The following SIPA1L3 variants were observed in gnomAD, a reference collection of about 807,000 sequenced individuals.
SIPA1L3 encodes the protein signal induced proliferation associated 1 like 3, also known as signal-induced proliferation-associated 1-like protein 3.
SIPA1L3 carries 59 observed loss-of-function variants against 150.1 expected under a neutral mutation model. The observed-to-expected ratio is 0.39, with a 90% CI of 0.32 to 0.49. The LOEUF is 0.49. Ranked by LOEUF, SIPA1L3 falls within the 20% of genes least tolerant of loss-of-function variation. The probability of loss-of-function intolerance (pLI) is 0.86; values close to 1 mark genes in which losing one functional copy is unlikely to be tolerated. For synonymous variants in SIPA1L3, 1,070 were observed against 1,077.6 expected (o/e 0.99, Z 0.14); for missense variants, 2,211 against 2,489.5 (o/e 0.89, Z 2.38).
Position 38,099,748 on chromosome 19 carries a change from G to A in SIPA1L3, c.1666-214G>A, listed in dbSNP as rs73630892. Among the ~76,000 whole-genome samples, 1,108 of 152,308 alleles carry A rather than the reference G, an allele frequency of 7.3e-3. 16 individuals are homozygous for A. Among genetic ancestry groups the A allele is most frequent in the African/African-American group, 0.025 (1,033 of 41,568 alleles). On this transcript the variant is annotated intron_variant, in intron 4 of 21. Coordinates refer to ENST00000222345, the MANE Select transcript of SIPA1L3 (RefSeq NM_015073.3). ...CTGTACCCATTTCACAAAAGAGCAAGCTGAGGCTCAGAGATATGAAGTCAC... is the reference window on the plus strand; with the variant it reads ...CTGTACCCATTTCACAAAAGAGCAAACTGAGGCTCAGAGATATGAAGTCAC...
At chr19:37,966,024 G>T (rs181810298) in intron 1 of SIPA1L3, among the ~76,000 whole-genome samples, 76 of 152,228 alleles carry the variant, frequency 5.0e-4, no homozygotes, top group African/African-American at 1.7e-3. Flanking sequence ...AGTGTGTGCC[G>T]GGCTCAGTTC....
Position 38,206,314 on chromosome 19 carries a change from C to T in SIPA1L3, c.*74C>T, listed in dbSNP as rs55701519. The T allele has an allele frequency of 1.4e-6, 2 of 1,467,894 alleles. No homozygotes were observed. Among genetic ancestry groups the T allele is most frequent in the East Asian group, 2.5e-5 (1 of 39,482 alleles). The allele number at this position is 1,467,894 out of a possible 1,614,324, so 90.9% of individuals were successfully genotyped here. A position where few individuals can be genotyped will look rare whatever the true frequency, so the allele number is the denominator to read the frequency against. On this transcript the variant is annotated 3_prime_UTR_variant, in exon 22 of 22. Transcript: ENST00000222345. ...CTGCTGCCTCTCTCCCTCCACTCAG[C>T]TCCCAGCTGCCGGTGTGACCAAGAT...
At chr19:38,167,587 G>C (rs1157411278) in intron 15 of SIPA1L3, among the ~76,000 whole-genome samples, 1 of 152,162 alleles carries the variant, frequency 6.6e-6, no homozygotes, top group East Asian at 1.9e-4. Context: ...TTTAGAAACA[G>C]GGTCCTGCTC....
chr19:38,161,685 C>G (rs1972092033), intron 13 of SIPA1L3, among the ~76,000 whole-genome samples: 1 of 152,048 alleles, frequency 6.6e-6, no homozygotes, highest in South Asian at 2.1e-4. Context: ...TGAGATCATA[C>G]CACTGCACTC....
intron 1 of SIPA1L3, among the ~76,000 whole-genome samples, chr19:37,989,187 T>C (rs78706451): frequency 0.024 from 3,585 of 152,278 alleles, 134 homozygotes; most frequent in African/African-American, 0.079. Context: ...CCACGGAACC[T>C]TCCTAACTCT....
At chr19:38,012,038 G>A (rs554804943) in intron 1 of SIPA1L3, among the ~76,000 whole-genome samples, 2 of 151,990 alleles carry the variant, frequency 1.3e-5, no homozygotes, top group South Asian at 4.2e-4. Context: ...CACACAGGTT[G>A]TCTCCTGTGT....
At chr19:37,949,442 G>T (rs562414476) in intron 1 of SIPA1L3, among the ~76,000 whole-genome samples, 2 of 152,250 alleles carry the variant, frequency 1.3e-5, no homozygotes, top group South Asian at 2.1e-4. Flanking sequence ...GAGGTGGGCG[G>T]CTAACCTGAG....
At chr19:38,024,883 A>T (rs985668243) in intron 1 of SIPA1L3, among the ~76,000 whole-genome samples, 2 of 152,148 alleles carry the variant, frequency 1.3e-5, no homozygotes, top group African/African-American at 4.8e-5. Context: ...TAAACTGCAA[A>T]GGGAAGTTAA....
Position 38,192,217 on chromosome 19 carries a change from A to G in SIPA1L3, c.4503A>G (p.Ser1501=), listed in dbSNP as rs777760887. ...RLRASLRDLR[S]PRKNYKSTIE... is the part of the protein sequence containing the mutation. ...GGGCATCCCTCCGAGACCTCCGGTCACCACGGAAGAACTACAAATCCACCA... is the reference window on the plus strand; with the variant it reads ...GGGCATCCCTCCGAGACCTCCGGTCGCCACGGAAGAACTACAAATCCACCA... Residue 1501 remains serine (S), a synonymous_variant, in exon 17 of 22, where the codon TCA becomes TCG. Transcript: ENST00000222345. 6.2e-7 allele frequency: 1 copy of G among 1,613,724 alleles called. No individual in the cohort carries two copies. The highest frequency in any genetic ancestry group is 8.5e-7 in the Non-Finnish European group (1 of 1,179,838).
chr19:38,117,276 G>A (rs1389859704), intron 8 of SIPA1L3, among the ~76,000 whole-genome samples: 1 of 152,148 alleles, frequency 6.6e-6, no homozygotes, highest in Non-Finnish European at 1.5e-5. Flanking sequence ...GGCTCTTCAG[G>A]GGCTTCCTGC....
At chr19:37,947,286 G>T (rs1454617494) in intron 1 of SIPA1L3, among the ~76,000 whole-genome samples, 1 of 151,632 alleles carries the variant, frequency 6.6e-6, no homozygotes, top group Middle Eastern at 3.2e-3. Flanking sequence ...TCAGGAGATC[G>T]AGACCATCCT....
At chr19:38,105,239 C>T (rs1970596701) in intron 6 of SIPA1L3, among the ~76,000 whole-genome samples, 1 of 152,074 alleles carries the variant, frequency 6.6e-6, no homozygotes, top group Non-Finnish European at 1.5e-5. Context: ...GTGGCAGGCA[C>T]CTGTAATCCC....
At chr19:37,950,287 A>G (rs1398923672) in intron 1 of SIPA1L3, among the ~76,000 whole-genome samples, 1 of 152,112 alleles carries the variant, frequency 6.6e-6, no homozygotes, top group Non-Finnish European at 1.5e-5. Flanking sequence ...TGAGCCTGAT[A>G]CACAGTAAGC....
intron 2 of SIPA1L3, among the ~76,000 whole-genome samples, chr19:38,051,871 G>A (rs1476048317): frequency 2.0e-5 from 3 of 152,224 alleles, no homozygotes; most frequent in East Asian, 3.9e-4. Flanking sequence ...TGCTGGGATC[G>A]CAGGCGTGAG....
chr19:38,194,144 G>A (rs571421423), intron 18 of SIPA1L3, among the ~76,000 whole-genome samples: 11 of 151,914 alleles, frequency 7.2e-5, no homozygotes, highest in African/African-American at 2.7e-4. Flanking sequence ...GCTCTAAGCG[G>A]TTTGCTTCCT....
chr19:38,006,935 G>C (rs73930327), intron 1 of SIPA1L3, among the ~76,000 whole-genome samples: 1 of 152,198 alleles, frequency 6.6e-6, no homozygotes, highest in Non-Finnish European at 1.5e-5. Flanking sequence ...GGAATCAGTC[G>C]GGTTTGTCTG....
Position 38,059,167 on chromosome 19 carries a change from A to ATT in SIPA1L3, c.-310-22076_-310-22075dup, listed in dbSNP as rs557869767. On this transcript the variant is annotated intron_variant, in intron 2 of 21. Transcript: ENST00000222345. ...AGGTGCATGTCACCATACTCAGCTC[A>ATT]TTTTTTTTTTTTTTGGTAGAGATGG... is the stretch of plus-strand genomic sequence containing the variant. 2.2e-3 allele frequency among the ~76,000 whole-genome samples: 319 copies of ATT among 141,948 alleles called. 2 individuals carry two copies. The highest frequency in any genetic ancestry group is 7.2e-3 in the African/African-American group (282 of 39,174). 93.1% of individuals were successfully genotyped at this position (141,948 alleles called of 152,430 possible). A position where few individuals can be genotyped will look rare whatever the true frequency, so the allele number is the denominator to read the frequency against.
At chr19:38,193,823 G>C (rs1394683352) in intron 18 of SIPA1L3, 43 bp downstream of exon 18, 2 of 1,495,676 alleles carry the variant, frequency 1.3e-6, no homozygotes, top group African/African-American at 1.4e-5. Flanking sequence ...GTTACCCCAA[G>C]GTTGGGAGGT....
chr19:38,202,790 G>A (rs1276565258), intron 20 of SIPA1L3, among the ~76,000 whole-genome samples: 1 of 152,094 alleles, frequency 6.6e-6, no homozygotes, highest in African/African-American at 2.4e-5. Context: ...TGGGCTGTCT[G>A]AGGACCTAGT....
Sources: allele counts gnomAD v4.1 joint callset (sites outside exome capture counted in the v4.1 genomes callset), GRCh38; gene constraint gnomAD v4.1.1; transcripts MANE v1.5; gene names NCBI Gene and HGNC (gene_info 2026-07-23, HGNC 2026-07-21).